The following DST variants were observed in gnomAD, a reference collection of about 807,000 sequenced individuals.
The protein encoded by DST is dystonin, also known as bullous pemphigoid antigen.
A neutral mutation model predicts 875.2 loss-of-function variants in DST; 253 were observed. That is an observed-to-expected ratio of 0.29 (90% CI 0.26 to 0.32). DST has a LOEUF of 0.32. Ranked by LOEUF, DST falls within the 10% of genes least tolerant of loss-of-function variation. DST has a pLI of 1.00. For missense variants in DST, 8,287 were observed against 9,111.6 expected (o/e 0.91, Z 3.68); for synonymous variants, 3,124 against 3,197.1 (o/e 0.98, Z 0.77).
intron 4 of DST, among the ~76,000 whole-genome samples, chr6:56,801,431 G>A (rs2099746711): frequency 6.6e-6 from 1 of 152,096 alleles, no homozygotes; most frequent in Non-Finnish European, 1.5e-5. Context: ...ATATGAAAAG[G>A]CCCTATAAAC....
intron 47 of DST, among the ~76,000 whole-genome samples, chr6:56,597,037 C>T (rs914315145): frequency 6.6e-6 from 1 of 151,990 alleles, no homozygotes; most frequent in African/African-American, 2.4e-5. Context: ...CCCAGGACTT[C>T]GAGAGCAGCC....
At chr6:56,532,826 A>C (rs996256559) in intron 63 of DST, among the ~76,000 whole-genome samples, 1 of 152,192 alleles carries the variant, frequency 6.6e-6, no homozygotes, top group African/African-American at 2.4e-5. Flanking sequence ...TGAATCATGA[A>C]AAAAGTGCAA....
intron 77 of DST, 39 bp from the exon 78 acceptor site, chr6:56,504,137 C>T (rs535767597): frequency 1.5e-5 from 20 of 1,357,866 alleles, no homozygotes; most frequent in Non-Finnish European, 2.0e-5. Context: ...TACAACAGTA[C>T]ATTTGAAATT....
intron 2 of DST, among the ~76,000 whole-genome samples, chr6:56,912,098 G>T (rs745655685): frequency 6.6e-6 from 1 of 152,200 alleles, no homozygotes; most frequent in Non-Finnish European, 1.5e-5. Context: ...TCCCAAGACA[G>T]CTGTAAGAAA....
Position 56,603,032 on chromosome 6 carries a change from C to A in DST, c.11158-1G>T. On this transcript the variant is annotated splice_acceptor_variant, in intron 42 of 103. Transcript: ENST00000680361. LOFTEE classifies it high-confidence loss of function. Reference sequence around the variant, plus strand: ...CTTCATGGGAAACTGCTAGTTTAGACTAGAAAAAAAAATTGTGCATTCAGT... The same window carrying A: ...CTTCATGGGAAACTGCTAGTTTAGAATAGAAAAAAAAATTGTGCATTCAGT... 1 of 1,562,238 alleles carries A rather than the reference C, an allele frequency of 6.4e-7. No individual in the cohort carries two copies. Among genetic ancestry groups the A allele is most frequent in the Non-Finnish European group, 8.6e-7 (1 of 1,162,196 alleles).
chr6:56,729,013 C>T (rs913740514), intron 5 of DST, among the ~76,000 whole-genome samples: 1 of 149,458 alleles, frequency 6.7e-6, no homozygotes, highest in East Asian at 1.9e-4. Flanking sequence ...CACACACACA[C>T]GACTGGGGAA....
chr6:56,887,889 CT>C (rs1353740755), intron 3 of DST, among the ~76,000 whole-genome samples: 1 of 151,930 alleles, frequency 6.6e-6, no homozygotes, highest in Non-Finnish European at 1.5e-5. Flanking sequence ...TCTTGTGCCC[CT>C]GTGCATTAAT....
At chr6:56,752,057 G>A (rs551439211) in intron 4 of DST, among the ~76,000 whole-genome samples, 1 of 152,030 alleles carries the variant, frequency 6.6e-6, no homozygotes, top group South Asian at 2.1e-4. Context: ...AAGCACACAA[G>A]TGGGTCTCCA....
In DST at chr6:56,597,735, C is replaced by T; in HGVS notation, c.12195+5G>A. 6.2e-7 allele frequency: 1 copy of T among 1,611,684 alleles called. No homozygotes were observed. Among genetic ancestry groups the T allele is most frequent in the Non-Finnish European group, 8.5e-7 (1 of 1,178,230 alleles). On this transcript the variant is annotated splice_donor_5th_base_variant and intron_variant, in intron 47 of 103. Transcript: ENST00000680361. Reference sequence around the variant, plus strand: ...GAACGATATCATATGTTTATAACAACACACCTTAACTTTCTGATATTGCTG... The same window carrying T: ...GAACGATATCATATGTTTATAACAATACACCTTAACTTTCTGATATTGCTG...
chr6:56,698,592 T>C (rs1252462737), intron 9 of DST, among the ~76,000 whole-genome samples: 2 of 152,226 alleles, frequency 1.3e-5, no homozygotes, highest in African/African-American at 4.8e-5. Flanking sequence ...CCCAAAGTGT[T>C]GGGATTACAG....
chr6:56,865,936 T>C (rs1032752071), intron 3 of DST, among the ~76,000 whole-genome samples: 1 of 152,108 alleles, frequency 6.6e-6, no homozygotes, highest in African/African-American at 2.4e-5. Flanking sequence ...ATACATAAAG[T>C]ACATATAGGC....
intron 3 of DST, among the ~76,000 whole-genome samples, chr6:56,869,437 G>T (rs1775895348): frequency 6.6e-6 from 1 of 152,018 alleles, no homozygotes; most frequent in South Asian, 2.1e-4. Context: ...CTGCTCAGGG[G>T]ACAGAAGACA....
rs117919655 is a variant in DST at position 56,660,121 on chromosome 6, A to G, written c.1215-8877T>C. On this transcript the variant is annotated intron_variant, in intron 10 of 103. Transcript: ENST00000680361. ...GAGAAGGGTTAATCATACAGATAGA[A>G]AAAGACTGCTGGCCAGAACCATTTG... Among the ~76,000 whole-genome samples the G allele has an allele frequency of 6.2e-4, 95 of 152,314 alleles. 1 individual carries two copies. In the East Asian group the frequency reaches 0.017, roughly 28 times the overall value.
At chr6:56,722,363 T>C (rs1274534138) in intron 5 of DST, among the ~76,000 whole-genome samples, 1 of 139,496 alleles carries the variant, frequency 7.2e-6, no homozygotes, top group East Asian at 2.0e-4. Context: ...AAGTAGTACA[T>C]GTTTGTTTAT....
At chr6:56,508,956 A>C (rs1317372616) in intron 74 of DST, among the ~76,000 whole-genome samples, 1 of 152,178 alleles carries the variant, frequency 6.6e-6, no homozygotes, top group Non-Finnish European at 1.5e-5. Flanking sequence ...TGGGTCTGCT[A>C]TTCTTGCCAA....
intron 4 of DST, among the ~76,000 whole-genome samples, chr6:56,819,450 C>A (rs1296352078): frequency 1.3e-5 from 2 of 152,118 alleles, no homozygotes; most frequent in African/African-American, 4.8e-5. Flanking sequence ...TAAGAACCTC[C>A]ATTTTACTTA....
In DST at chr6:56,851,168, G is replaced by A. The variant is rs1174963759; in HGVS notation, c.625+229C>T. On this transcript the variant is annotated intron_variant, in intron 4 of 103. Coordinates refer to ENST00000680361, the MANE Select transcript of DST (RefSeq NM_001374736.1). ...TATTTCCTTGCATTTCAAAGGAATC[G>A]ATTCGTCCAACCAGAAGGCAGGGCC... is the stretch of plus-strand genomic sequence containing the variant. The A allele has an allele frequency of 1.1e-5, 6 of 538,856 alleles. No homozygotes were observed. In the South Asian group the frequency reaches 1.6e-4, roughly 14 times the overall value. The allele number at this position is 538,856 out of a possible 1,614,324, so 33.4% of individuals were successfully genotyped here.
intron 36 of DST, among the ~76,000 whole-genome samples, chr6:56,623,281 G>T (rs974505452): frequency 1.3e-5 from 2 of 152,026 alleles, no homozygotes; most frequent in Non-Finnish European, 2.9e-5. Flanking sequence ...TATGAGAAAA[G>T]AACTTAAGTT....
At chr6:56,742,931 A>G (rs1195508530) in intron 4 of DST, among the ~76,000 whole-genome samples, 4 of 152,208 alleles carry the variant, frequency 2.6e-5, no homozygotes, top group Admixed American at 2.0e-4. Context: ...GTTGGGTAGT[A>G]CTGTCCTCAG....
Sources: gnomAD v4.1 joint callset for allele counts (sites outside exome capture counted in the v4.1 genomes callset) on GRCh38, gnomAD v4.1.1 for gene constraint, MANE v1.5 for transcripts, NCBI Gene and HGNC (gene_info 2026-07-23, HGNC 2026-07-21) for gene names.